Variants in MAML2 observed in about 807,000 individuals in gnomAD.
MAML2 encodes the protein mastermind like transcriptional coactivator 2, also known as mastermind-like protein 2.
A neutral mutation model predicts 96.1 loss-of-function variants in MAML2; 22 were observed. The observed-to-expected ratio is 0.23, with a 90% confidence interval of 0.16 to 0.33. The LOEUF (loss-of-function observed/expected upper bound fraction) is 0.33. Ranked by LOEUF, MAML2 falls within the 10% of genes least tolerant of loss-of-function variation. The pLI is 1.00. For synonymous variants in MAML2, 561 were observed against 521.3 expected, an observed-to-expected ratio of 1.08 and a Z score of -1.04; for missense variants, 1,367 against 1,392.4, an observed-to-expected ratio of 0.98 and a Z score of 0.29.
chr11:96,092,469 G>A lies in MAML2; in HGVS notation c.1562C>T (p.Ala521Val). 7 of 1,611,506 alleles carry A rather than the reference G, an allele frequency of 4.3e-6. No individual in the cohort carries two copies. The highest frequency in any genetic ancestry group is 5.9e-6 in the Non-Finnish European group (7 of 1,178,562). ...ANYMYKAGPSAQGGHLDVLMQ... is the reference protein window; with the variant it reads ...ANYMYKAGPSVQGGHLDVLMQ... Reference sequence around the variant, plus strand: ...GAGGACATCTAGGTGCCCACCCTGGGCTGAGGGGCCGGCCTTGTACATGTA... The same window carrying A: ...GAGGACATCTAGGTGCCCACCCTGGACTGAGGGGCCGGCCTTGTACATGTA... The change falls in exon 2 of 5, where the codon GCC becomes GTC. Residue 521 changes from alanine to valine, a missense_variant. Coordinates refer to ENST00000524717, the MANE Select transcript of MAML2 (RefSeq NM_032427.4). This position sits in a 1 kb window ranked among gnomAD's most constrained non-coding sequence, Gnocchi z 4.1.
chr11:96,111,447 C>T (rs892802474), intron 1 of MAML2, among the ~76,000 whole-genome samples: 4 of 152,196 alleles, frequency 2.6e-5, no homozygotes, highest in Non-Finnish European at 4.4e-5. Context: ...GAGTGTTCTT[C>T]TTTCCCATTG....
At chr11:96,262,343 T>C (rs371671743) in intron 1 of MAML2, among the ~76,000 whole-genome samples, 8 of 152,232 alleles carry the variant, frequency 5.3e-5, no homozygotes, top group African/African-American at 1.9e-4. Flanking sequence ...TTATTATTTA[T>C]TGTATAAATA....
At chr11:96,301,440 C>A (rs953946034) in intron 1 of MAML2, among the ~76,000 whole-genome samples, 7 of 152,182 alleles carry the variant, frequency 4.6e-5, no homozygotes, top group African/African-American at 1.7e-4. Flanking sequence ...TCAGTAACCA[C>A]CAACTCCTCT....
At chr11:96,180,278 G>GT (rs1319050738) in intron 1 of MAML2, among the ~76,000 whole-genome samples, 14 of 152,320 alleles carry the variant, frequency 9.2e-5, no homozygotes, top group African/African-American at 3.4e-4. Flanking sequence ...CCCCTGAGAG[G>GT]TGGGTCTACG....
chr11:96,325,890 C>T (rs1286220766), intron 1 of MAML2, among the ~76,000 whole-genome samples: 1 of 152,150 alleles, frequency 6.6e-6, no homozygotes, highest in East Asian at 1.9e-4. Context: ...GGAGCAGCCA[C>T]GGGCACAGAA....
intron 2 of MAML2, among the ~76,000 whole-genome samples, chr11:96,005,809 GAA>G (rs1420516533): frequency 1.3e-5 from 2 of 152,088 alleles, no homozygotes; most frequent in Admixed American, 6.5e-5. Context: ...ACTATAAAAA[GAA>G]TACAAAATAT....
intron 1 of MAML2, among the ~76,000 whole-genome samples, chr11:96,222,933 C>T (rs1015257344): frequency 6.6e-6 from 1 of 152,024 alleles, no homozygotes; most frequent in Non-Finnish European, 1.5e-5. Context: ...ATTAGTTATA[C>T]TTTGAATTTT....
intron 1 of MAML2, among the ~76,000 whole-genome samples, chr11:96,118,484 C>G (rs1860281697): frequency 6.6e-6 from 1 of 152,164 alleles, no homozygotes; most frequent in Non-Finnish European, 1.5e-5. Flanking sequence ...CCTGGGGCCT[C>G]CTAAGCCATG....
chr11:96,208,524 A>G (rs1478747945), intron 1 of MAML2, among the ~76,000 whole-genome samples: 2 of 152,240 alleles, frequency 1.3e-5, no homozygotes, highest in African/African-American at 4.8e-5. Context: ...TCATGTAGAG[A>G]TACTTGAAGT....
In MAML2 at chr11:95,979,092, G is replaced by T; in HGVS notation, c.3327C>A (p.Asp1109Glu). Reference protein sequence around the residue: ...GTDHSSDLAFDFLSQQNDNMG... With the variant: ...GTDHSSDLAFEFLSQQNDNMG... The stretch of plus-strand genomic sequence containing the variant: ...TGTTATCATTTTGTTGGCTGAGGAA[G>T]TCAAAAGCTAAGTCACTGCTGTGGT... The change falls in exon 5 of 5, where the codon GAC becomes GAA. Residue 1109 changes from aspartate (D) to glutamate (E), a missense_variant. Transcript: ENST00000524717. The T allele has an allele frequency of 1.9e-6, 3 of 1,614,020 alleles. No individual in the cohort carries two copies. The highest frequency in any genetic ancestry group is 2.5e-6 in the Non-Finnish European group (3 of 1,179,890).
At chr11:96,237,306 T>C (rs1264660231) in intron 1 of MAML2, among the ~76,000 whole-genome samples, 2 of 152,222 alleles carry the variant, frequency 1.3e-5, no homozygotes, top group East Asian at 1.9e-4. Flanking sequence ...AAGGGGCTTA[T>C]AAAAATTGTT....
chr11:96,286,433 C>A (rs1863141504), intron 1 of MAML2, among the ~76,000 whole-genome samples: 1 of 152,124 alleles, frequency 6.6e-6, no homozygotes, highest in Admixed American at 6.5e-5. Flanking sequence ...ACATGTTTAC[C>A]TATGTAACAA....
chr11:96,095,379 A>G (rs1368192665), intron 1 of MAML2, among the ~76,000 whole-genome samples: 1 of 152,194 alleles, frequency 6.6e-6, no homozygotes, highest in African/African-American at 2.4e-5. Context: ...CAGGTGGTAA[A>G]TAGTTATGGT....
chr11:96,220,847 C>T (rs1292881828), intron 1 of MAML2, among the ~76,000 whole-genome samples: 1 of 151,854 alleles, frequency 6.6e-6, no homozygotes, highest in Non-Finnish European at 1.5e-5. Context: ...AAAAAAAAAG[C>T]ATCATCAAAC....
chr11:96,072,380 T>C (rs1292683067), intron 2 of MAML2, among the ~76,000 whole-genome samples: 1 of 152,356 alleles, frequency 6.6e-6, no homozygotes, highest in South Asian at 2.1e-4. Flanking sequence ...GGATCCAGCA[T>C]TGATCTTGAA....
At chr11:96,196,879 CTT>C (rs35624218) in intron 1 of MAML2, among the ~76,000 whole-genome samples, 4 of 129,006 alleles carry the variant, frequency 3.1e-5, no homozygotes, top group Admixed American at 1.6e-4. Flanking sequence ...CCACCCTCGG[CTT>C]TTTTTTTTTT....
At chr11:96,311,141 G>A (rs927413260) in intron 1 of MAML2, among the ~76,000 whole-genome samples, 9 of 152,198 alleles carry the variant, frequency 5.9e-5, no homozygotes, top group Non-Finnish European at 1.3e-4. Flanking sequence ...AAAAGACAGG[G>A]CTTAGACTCA....
intron 1 of MAML2, among the ~76,000 whole-genome samples, chr11:96,160,548 C>T (rs1304191795): frequency 1.3e-5 from 2 of 151,892 alleles, no homozygotes; most frequent in Non-Finnish European, 2.9e-5. Context: ...CTGCCTCAGC[C>T]TCCTGAGTAG....
intron 2 of MAML2, among the ~76,000 whole-genome samples, chr11:96,015,103 A>G (rs967150076): frequency 6.6e-6 from 1 of 152,210 alleles, no homozygotes; most frequent in African/African-American, 2.4e-5. Context: ...TTGAGCCAAA[A>G]GTCTATCTCA....
Sources: allele counts gnomAD v4.1 joint callset (sites outside exome capture counted in the v4.1 genomes callset), GRCh38; gene constraint gnomAD v4.1.1; non-coding constraint Gnocchi (gnomAD v3.1); transcripts MANE v1.5; gene names NCBI Gene and HGNC (gene_info 2026-07-23, HGNC 2026-07-21).